TC2N: variants seen among roughly 807,000 people sequenced by gnomAD.
TC2N encodes tandem C2 domains nuclear protein.
TC2N carries 51 observed loss-of-function variants against 61.9 expected under a neutral mutation model. The ratio of observed to expected loss-of-function variants is 0.82; its 90% CI spans 0.66 to 1.04. TC2N has a LOEUF of 1.04. Ranked by LOEUF, TC2N falls within the 50% of genes least tolerant of loss-of-function variation. The pLI, the probability that TC2N is intolerant of heterozygous loss-of-function variation, is 0.00. For synonymous variants in TC2N, 204 were observed against 192.6 expected, an observed-to-expected ratio of 1.06 and a Z score of -0.49; for missense variants, 556 against 566.7, an observed-to-expected ratio of 0.98 and a Z score of 0.19.
intron 9 of TC2N, among the ~76,000 whole-genome samples, chr14:91,788,800 G>A (rs192276030): frequency 6.6e-6 from 1 of 152,298 alleles, no homozygotes; most frequent in East Asian, 1.9e-4. Flanking sequence ...AAACTCAACT[G>A]TTGGAATTTA....
At chr14:91,843,627 CAG>C (rs1888206523) in intron 1 of TC2N, among the ~76,000 whole-genome samples, 2 of 152,200 alleles carry the variant, frequency 1.3e-5, no homozygotes, top group South Asian at 4.1e-4. Context: ...CTGCTTTCAT[CAG>C]AGTTTTAGGA....
intron 3 of TC2N, among the ~76,000 whole-genome samples, chr14:91,804,830 AG>A (rs879796713): frequency 5.3e-5 from 8 of 152,146 alleles, no homozygotes; most frequent in Admixed American, 2.0e-4. Flanking sequence ...AATGGAGAGA[AG>A]CTATGGGGTT....
At chr14:91,795,704 C>CTGCTTTATTGCAATGTTCATTTTAGT (rs1209444226) in intron 8 of TC2N, among the ~76,000 whole-genome samples, 2 of 152,154 alleles carry the variant, frequency 1.3e-5, no homozygotes, top group African/African-American at 4.8e-5. Context: ...CTCATGTGAC[C>CTGCTTTATTGCAATGTTCATTTTAGT]TGCTTTATTG....
chr14:91,856,921 C>T (rs1172321212), intron 1 of TC2N, among the ~76,000 whole-genome samples: 3 of 152,144 alleles, frequency 2.0e-5, no homozygotes, highest in East Asian at 3.9e-4. Flanking sequence ...AGGAGAGCCC[C>T]GTGGATTAAG....
chr14:91,803,610 G>A (rs1433591776), intron 3 of TC2N, among the ~76,000 whole-genome samples: 4 of 151,692 alleles, frequency 2.6e-5, no homozygotes, highest in Non-Finnish European at 4.4e-5. Context: ...ACGCCACCAC[G>A]CCAGCTAAGT....
intron 3 of TC2N, among the ~76,000 whole-genome samples, chr14:91,804,582 A>G (rs1249946305): frequency 6.6e-6 from 1 of 152,196 alleles, no homozygotes; most frequent in Non-Finnish European, 1.5e-5. Flanking sequence ...ACAGATACAA[A>G]AACAAACTAA....
chr14:91,834,218 C>T (rs538065713), intron 1 of TC2N, among the ~76,000 whole-genome samples: 3 of 152,282 alleles, frequency 2.0e-5, no homozygotes, highest in Non-Finnish European at 4.4e-5. Flanking sequence ...GACTTAAACA[C>T]TATAACACCT....
At chr14:91,797,490 G>C (rs940640694) in intron 8 of TC2N, among the ~76,000 whole-genome samples, 2 of 152,008 alleles carry the variant, frequency 1.3e-5, no homozygotes, top group East Asian at 3.9e-4. Context: ...TTGGGGGAAA[G>C]AGAAGCCAAG....
chr14:91,834,394 C>T (rs1358864633), intron 1 of TC2N, among the ~76,000 whole-genome samples: 1 of 152,188 alleles, frequency 6.6e-6, no homozygotes. Flanking sequence ...AAATGATGCA[C>T]TTCGTTTTTA....
chr14:91,785,069 C>A, intron 11 of TC2N, 93 bp downstream of exon 11: 2 of 840,232 alleles, frequency 2.4e-6, no homozygotes, highest in Non-Finnish European at 3.8e-6. Context: ...GAACTGTACT[C>A]TATTTGACTT....
chr14:91,800,691 T>C (rs1032247382), intron 4 of TC2N, among the ~76,000 whole-genome samples: 2 of 152,082 alleles, frequency 1.3e-5, no homozygotes, highest in Non-Finnish European at 2.9e-5. Context: ...AAACACTCTG[T>C]ATTAAGTGTA....
chr14:91,862,420 A>G (rs1156317090), intron 1 of TC2N, among the ~76,000 whole-genome samples: 1 of 152,152 alleles, frequency 6.6e-6, no homozygotes, highest in African/African-American at 2.4e-5. Context: ...GAGGAAGAGA[A>G]AGAGAATCAG....
chr14:91,822,772 T>G (rs913225833), intron 1 of TC2N, among the ~76,000 whole-genome samples: 3 of 149,808 alleles, frequency 2.0e-5, no homozygotes, highest in African/African-American at 7.4e-5. Context: ...TGGAGTGCAG[T>G]GGCGTGATCT....
chr14:91,817,443 T>C (rs1354396984), intron 1 of TC2N, among the ~76,000 whole-genome samples: 2 of 151,970 alleles, frequency 1.3e-5, no homozygotes, highest in Non-Finnish European at 2.9e-5. Flanking sequence ...AAGTTTAACA[T>C]TTTTCTTAAC....
chr14:91,785,135 T>C (rs10131036), intron 11 of TC2N, 27 bp downstream of exon 11: 64,867 of 1,525,968 alleles, frequency 0.043, 3,826 homozygotes, highest in African/African-American at 0.28. Context: ...TAGAAAAATA[T>C]AAGGAAGGAT....
chr14:91,813,058 C>G (rs148716916), intron 2 of TC2N, among the ~76,000 whole-genome samples: 3 of 151,604 alleles, frequency 2.0e-5, no homozygotes, highest in African/African-American at 7.3e-5. Flanking sequence ...AGTACAAGTA[C>G]TATTCTGTAG....
chr14:91,793,730 T>C (rs560235694), intron 8 of TC2N, among the ~76,000 whole-genome samples: 73 of 152,242 alleles, frequency 4.8e-4, no homozygotes, highest in African/African-American at 1.7e-3. Flanking sequence ...AGCTGTTCCA[T>C]CTCTCTCCCT....
At chr14:91,817,707 T>C (rs530722664) in intron 1 of TC2N, among the ~76,000 whole-genome samples, 3 of 152,088 alleles carry the variant, frequency 2.0e-5, no homozygotes, top group Non-Finnish European at 4.4e-5. Context: ...GACAGGAATG[T>C]GGTAGAATTG....
chr14:91,861,532 G>A (rs1305166339), intron 1 of TC2N, among the ~76,000 whole-genome samples: 2 of 152,228 alleles, frequency 1.3e-5, no homozygotes, highest in African/African-American at 2.4e-5. Context: ...GGGAAGGTGG[G>A]CCAGTGCAGA....
Sources: gnomAD v4.1 joint callset for allele counts (sites outside exome capture counted in the v4.1 genomes callset) on GRCh38, gnomAD v4.1.1 for gene constraint, MANE v1.5 for transcripts, NCBI Gene and HGNC (gene_info 2026-07-23, HGNC 2026-07-21) for gene names.